Variants in SQLE observed in about 807,000 individuals in gnomAD.
SQLE encodes the protein squalene monooxygenase.
Under a neutral mutation model 60.7 loss-of-function variants are expected in SQLE, and 29 were observed. The observed-to-expected ratio is 0.48, with a 90% CI of 0.36 to 0.65. SQLE has a LOEUF of 0.65. Ranked by LOEUF, SQLE falls within the 30% of genes least tolerant of loss-of-function variation. The pLI is 0.00. For synonymous variants in SQLE, 237 were observed against 246.8 expected (o/e 0.96, Z 0.37); for missense variants, 605 against 684.1 (o/e 0.88, Z 1.29).
In SQLE at chr8:124,999,718, G is replaced by GATGA; in HGVS notation, c.291+28_291+31dup. The GATGA allele has an allele frequency of 1.9e-6, 3 of 1,545,546 alleles. No homozygotes were observed. The South Asian group carries it at 3.8e-5, about 19-fold the overall frequency. ...GGGTAGGTTGATTTCAAAGCGGGCA[G>GATGA]ATGAATGTCTTATTTAGGAGTAGGA... On this transcript the variant is annotated intron_variant, in intron 1 of 10. Transcript: ENST00000265896.
chr8:124,999,833 ACT>A (rs1333566904), intron 1 of SQLE, 139 bp downstream of exon 1: 4 of 1,089,586 alleles, frequency 3.7e-6, no homozygotes, highest in Admixed American at 5.6e-5. Flanking sequence ...TTTATTTTAA[ACT>A]CTGCTGTGCC....
In SQLE at chr8:125,005,671, A is replaced by T; in HGVS notation, c.691A>T (p.Met231Leu). 6.2e-7 allele frequency: 1 copy of T among 1,604,866 alleles called. No individual in the cohort carries two copies. The highest frequency in any genetic ancestry group is 8.5e-7 in the Non-Finnish European group (1 of 1,173,700). Residue 231 changes from methionine to leucine, a missense_variant, in exon 3 of 11, where the codon ATG becomes TTG. Physicochemically the swap from Met to Leu is conservative, Grantham distance 15. Coordinates refer to ENST00000265896, the MANE Select transcript of SQLE (RefSeq NM_003129.4). The part of the protein sequence containing the change: ...GRAFHHGRFI[M>L]SLRKAAMAEP... ...AGCTTTCCATCACGGAAGATTCATC[A>T]TGAGTCTCCGGAAAGCAGCTATGGC...
intron 7 of SQLE, among the ~76,000 whole-genome samples, chr8:125,012,635 A>G (rs145203978): frequency 1.3e-3 from 193 of 152,304 alleles, no homozygotes; most frequent in Middle Eastern, 0.01. Flanking sequence ...TGGCTATATT[A>G]CATTTTGTTT....
intron 7 of SQLE, among the ~76,000 whole-genome samples, chr8:125,015,065 C>T (rs1285912094): frequency 6.6e-6 from 1 of 152,094 alleles, no homozygotes; most frequent in African/African-American, 2.4e-5. Context: ...ATAATATTTC[C>T]TTTATATATC....
chr8:125,018,861 T>C, intron 9 of SQLE, 134 bp downstream of exon 9: 1 of 644,084 alleles, frequency 1.6e-6, no homozygotes, highest in Non-Finnish European at 2.6e-6. Flanking sequence ...TGGTAGTTTT[T>C]TAAAATTCCA....
chr8:125,005,257 C>T (rs1424907117), intron 2 of SQLE, among the ~76,000 whole-genome samples: 4 of 152,146 alleles, frequency 2.6e-5, no homozygotes, highest in African/African-American at 9.7e-5. Flanking sequence ...TGGTTTATTT[C>T]ATGTTGCATT....
intron 1 of SQLE, among the ~76,000 whole-genome samples, chr8:125,000,753 C>G (rs1814831164): frequency 6.6e-6 from 1 of 152,144 alleles, no homozygotes; most frequent in South Asian, 2.1e-4. Context: ...GGCGCCTGGC[C>G]TGACTTTTAC....
intron 1 of SQLE, among the ~76,000 whole-genome samples, chr8:125,000,985 A>G (rs1045266359): frequency 6.6e-6 from 1 of 152,202 alleles, no homozygotes; most frequent in East Asian, 1.9e-4. Flanking sequence ...CCTTGCTGGT[A>G]GTTAATACCT....
intron 6 of SQLE, among the ~76,000 whole-genome samples, chr8:125,009,683 T>C (rs1026405494): frequency 6.6e-6 from 1 of 151,840 alleles, no homozygotes; most frequent in African/African-American, 2.4e-5. Context: ...TAATCCCAGC[T>C]ACTCAGGAGG....
In SQLE at chr8:125,016,914, T is replaced by A. The variant is rs1357546109; in HGVS notation, c.1205-1145T>A. ...GGTCTTGGGTAATATCTGGGAGAATTCCCTGGATTATCAGGAAAAGAACTC... is the reference window on the plus strand; with the variant it reads ...GGTCTTGGGTAATATCTGGGAGAATACCCTGGATTATCAGGAAAAGAACTC... On this transcript the variant is annotated intron_variant, in intron 7 of 10. Transcript: ENST00000265896. The surrounding 1 kb of genome is among the most constrained non-coding windows in gnomAD (Gnocchi z 4.1). Among the ~76,000 whole-genome samples, 1 of 152,108 alleles carries A rather than the reference T, an allele frequency of 6.6e-6. No homozygotes were observed. Among genetic ancestry groups the A allele is most frequent in the Non-Finnish European group, 1.5e-5 (1 of 68,020 alleles).
chr8:125,019,311 GA>G (rs1348974876), intron 9 of SQLE, among the ~76,000 whole-genome samples: 2 of 151,772 alleles, frequency 1.3e-5, no homozygotes, highest in Non-Finnish European at 2.9e-5. Flanking sequence ...GAGGCCAGGC[GA>G]AATGATTCAT....
intron 4 of SQLE, among the ~76,000 whole-genome samples, chr8:125,007,737 G>A (rs1814977117): frequency 6.6e-6 from 1 of 152,100 alleles, no homozygotes; most frequent in African/African-American, 2.4e-5. Flanking sequence ...TCACATTACT[G>A]CTCAAAAAGT....
rs149093226 is a variant in SQLE at position 125,020,398 on chromosome 8, T to C, written c.1445-386T>C. 4.1e-3 allele frequency among the ~76,000 whole-genome samples: 628 copies of C among 152,310 alleles called. 7 individuals carry two copies. Among genetic ancestry groups the C allele is most frequent in the African/African-American group, 0.013 (554 of 41,584 alleles). The stretch of plus-strand genomic sequence containing the variant: ...CTCACAGCTCTCTTCACTTGATAAT[T>C]TACTGCTTAGTTAGAGATACTGGTT... On this transcript the variant is annotated intron_variant, in intron 9 of 10. Transcript: ENST00000265896.
At chr8:124,999,900 C>A in intron 1 of SQLE, 1 of 750,668 alleles carries the variant, frequency 1.3e-6, no homozygotes, top group Non-Finnish European at 2.3e-6. Context: ...TTTCATTTAG[C>A]ATTGGTTGAG....
chr8:125,004,102 T>C (rs936714798), intron 2 of SQLE, among the ~76,000 whole-genome samples: 10 of 152,186 alleles, frequency 6.6e-5, no homozygotes, highest in African/African-American at 2.2e-4. Context: ...AATACCATAT[T>C]TGAACATTTT....
chr8:125,006,431 C>T (rs182370713), intron 3 of SQLE, among the ~76,000 whole-genome samples: 1 of 151,770 alleles, frequency 6.6e-6, no homozygotes, highest in Non-Finnish European at 1.5e-5. Context: ...CCAGCCTGGC[C>T]AATATGGTGA....
In SQLE at chr8:125,021,912, A is replaced by G. The variant is rs1315445988; in HGVS notation, c.1692A>G (p.Leu564=). ...AAGCGTGTTCTGTAATATTTCCTCT[A>G]ATTTACTCAGAAATGAAGTATATGG... ...LYKACSVIFP[L]IYSEMKYMVH The change falls in exon 11 of 11, where the codon CTA becomes CTG. Residue 564 remains leucine, a synonymous_variant. Coordinates refer to ENST00000265896, the MANE Select transcript of SQLE (RefSeq NM_003129.4). The G allele has an allele frequency of 2.5e-6, 4 of 1,606,394 alleles. No homozygotes were observed. Among genetic ancestry groups the G allele is most frequent in the East Asian group, 4.5e-5 (2 of 44,788 alleles).
chr8:125,020,117 T>C (rs1815179399), intron 9 of SQLE, among the ~76,000 whole-genome samples: 1 of 152,218 alleles, frequency 6.6e-6, no homozygotes, highest in Non-Finnish European at 1.5e-5. Context: ...AATTTAAATC[T>C]ACCAACAAAA....
At chr8:125,002,460 C>T (rs928452143) in intron 1 of SQLE, among the ~76,000 whole-genome samples, 1 of 152,104 alleles carries the variant, frequency 6.6e-6, no homozygotes, top group African/African-American at 2.4e-5. Context: ...GGAGGATCAC[C>T]TGAGGTCGGG....
Sources: gnomAD v4.1 joint callset for allele counts (sites outside exome capture counted in the v4.1 genomes callset) on GRCh38, gnomAD v4.1.1 for gene constraint, Gnocchi (gnomAD v3.1) non-coding constraint, MANE v1.5 for transcripts, NCBI Gene and HGNC (gene_info 2026-07-23, HGNC 2026-07-21) for gene names.